Variants in NRCAM observed in about 807,000 individuals in gnomAD.
NRCAM encodes neuronal cell adhesion molecule.
A neutral mutation model predicts 156.5 loss-of-function variants in NRCAM; 83 were observed. The ratio of observed to expected loss-of-function variants is 0.53; its 90% CI spans 0.44 to 0.64. The LOEUF is 0.64. Among genes scored for constraint, NRCAM ranks in the 30% least tolerant of loss-of-function variants. The pLI, the probability that NRCAM is intolerant of heterozygous loss-of-function variation, is 0.00. For synonymous variants in NRCAM, 538 were observed against 563.9 expected (o/e 0.95, Z 0.65); for missense variants, 1,417 against 1,597.3 (o/e 0.89, Z 1.92).
At chr7:108,253,003 C>G (rs533094293) in intron 3 of NRCAM, among the ~76,000 whole-genome samples, 5 of 152,328 alleles carry the variant, frequency 3.3e-5, no homozygotes, top group African/African-American at 9.6e-5. Context: ...CAGACCAGGA[C>G]ATATCTAAAA....
intron 2 of NRCAM, among the ~76,000 whole-genome samples, chr7:108,378,676 C>CACACACAG (rs2099687102): frequency 1.5e-5 from 2 of 132,592 alleles, no homozygotes; most frequent in African/African-American, 5.4e-5. Context: ...CACACACACA[C>CACACACAG]ACACACACAC....
At chr7:108,341,835 A>G (rs1324282579) in intron 2 of NRCAM, among the ~76,000 whole-genome samples, 3 of 152,132 alleles carry the variant, frequency 2.0e-5, no homozygotes, top group Non-Finnish European at 2.9e-5. Flanking sequence ...CAGAAACCCA[A>G]TGGACAGTGG....
At chr7:108,200,663 A>G (rs2077440524) in intron 13 of NRCAM, among the ~76,000 whole-genome samples, 1 of 151,950 alleles carries the variant, frequency 6.6e-6, no homozygotes, top group African/African-American at 2.4e-5. Context: ...ACACATGTTG[A>G]TAGCAGCACA....
intron 2 of NRCAM, among the ~76,000 whole-genome samples, chr7:108,322,785 T>C (rs1479525929): frequency 1.3e-5 from 2 of 152,214 alleles, no homozygotes; most frequent in East Asian, 3.8e-4. Context: ...ATATTATCAG[T>C]TGCAGGTTGC....
At chr7:108,439,701 G>A (rs1598146665) in intron 1 of NRCAM, among the ~76,000 whole-genome samples, 1 of 151,984 alleles carries the variant, frequency 6.6e-6, no homozygotes, top group African/African-American at 2.4e-5. Flanking sequence ...GGCTGTGGTG[G>A]TGCATGCCTG....
intron 2 of NRCAM, among the ~76,000 whole-genome samples, chr7:108,378,616 C>G (rs74904146): frequency 0.15 from 20,630 of 140,200 alleles, 1,763 homozygotes; most frequent in Middle Eastern, 0.23. Context: ...GGAAACAAAA[C>G]AAATAAGCAG....
At chr7:108,268,090 C>T (rs1410234694) in intron 3 of NRCAM, among the ~76,000 whole-genome samples, 3 of 152,044 alleles carry the variant, frequency 2.0e-5, no homozygotes, top group Non-Finnish European at 4.4e-5. Flanking sequence ...GCAATGTTTC[C>T]TGTTCACTCT....
rs549558902 is a variant in NRCAM, at chr7:108,236,283, T to C, written c.124+1469A>G. On this transcript the variant is annotated intron_variant, in intron 5 of 32. Coordinates refer to ENST00000379028, the MANE Select transcript of NRCAM (RefSeq NM_001037132.4). ...AGACATCTTTTACTAAATATTCAAA[T>C]AACAGCTAAAGTACAAATCAAAAGC... Among the ~76,000 whole-genome samples the C allele has an allele frequency of 2.6e-5, 4 of 152,312 alleles. No homozygotes were observed. The South Asian group carries it at 8.3e-4, about 32-fold the overall frequency.
At chr7:108,212,427 A>G (rs542553831) in intron 11 of NRCAM, among the ~76,000 whole-genome samples, 1 of 152,358 alleles carries the variant, frequency 6.6e-6, no homozygotes, top group South Asian at 2.1e-4. Flanking sequence ...AGAATTCAGA[A>G]GGTTAGTTAT....
At chr7:108,224,144 A>G (rs770022779) in intron 10 of NRCAM, among the ~76,000 whole-genome samples, 10 of 152,146 alleles carry the variant, frequency 6.6e-5, no homozygotes, top group Non-Finnish European at 1.3e-4. Context: ...AAAATTTTCA[A>G]TATGTTGACA....
At chr7:108,363,460 C>T (rs1175910663) in intron 2 of NRCAM, among the ~76,000 whole-genome samples, 1 of 152,080 alleles carries the variant, frequency 6.6e-6, no homozygotes, top group East Asian at 1.9e-4. Flanking sequence ...AAATTTTTCG[C>T]CATGTTGCCC....
Position 108,352,852 on chromosome 7 carries a change from T to C in NRCAM, c.-173-40121A>G, listed in dbSNP as rs148815833. On this transcript the variant is annotated intron_variant, in intron 2 of 32. Coordinates refer to ENST00000379028, the MANE Select transcript of NRCAM (RefSeq NM_001037132.4). ...ACCATTTATCTACAGTAGCCACAAA[T>C]AGCTATAAAATATAAGTTTAAAAAA... Among the ~76,000 whole-genome samples, 514 of 152,234 alleles carry C rather than the reference T, an allele frequency of 3.4e-3. 7 individuals carry two copies. The highest frequency in any genetic ancestry group is 1.5e-3 in the Non-Finnish European group (105 of 68,008).
intron 3 of NRCAM, among the ~76,000 whole-genome samples, chr7:108,263,213 T>G (rs2096950223): frequency 6.6e-6 from 1 of 152,232 alleles, no homozygotes; most frequent in African/African-American, 2.4e-5. Context: ...CCAAATCATA[T>G]TATCTTATCT....
chr7:108,392,833 A>G (rs1401493333), intron 2 of NRCAM, among the ~76,000 whole-genome samples: 1 of 152,166 alleles, frequency 6.6e-6, no homozygotes, highest in East Asian at 1.9e-4. Flanking sequence ...CTGGAGGTCT[A>G]CTTCAGACCC....
At chr7:108,201,683 A>C (rs1025171453) in intron 13 of NRCAM, among the ~76,000 whole-genome samples, 2 of 152,192 alleles carry the variant, frequency 1.3e-5, no homozygotes, top group African/African-American at 2.4e-5. Flanking sequence ...AGTCACAAAC[A>C]AACCATGTCA....
Position 108,240,132 on chromosome 7 carries a change from A to G in NRCAM, c.-68T>C, listed in dbSNP as rs555581716. The G allele has an allele frequency of 9.9e-5, 109 of 1,095,592 alleles. No individual in the cohort carries two copies. The South Asian group carries it at 1.4e-3, about 14-fold the overall frequency. The allele number at this position is 1,095,592 out of a possible 1,614,324, so 67.9% of individuals were successfully genotyped here. The stretch of plus-strand genomic sequence containing the variant: ...CTTCTTTCACAAAAGATTTTGTGAA[A>G]CGTTGTGTGCAACGTTTAAGTAATT... On this transcript the variant is annotated 5_prime_UTR_variant, in exon 4 of 33. Transcript: ENST00000379028.
chr7:108,226,459 T>C, intron 8 of NRCAM, 81 bp from the exon 9 acceptor site: 1 of 928,892 alleles, frequency 1.1e-6, no homozygotes, highest in African/African-American at 1.7e-5. Flanking sequence ...ATGTACCTAC[T>C]AATAGGTCTG....
chr7:108,176,411 T>A lies in NRCAM; in HGVS notation c.3151+19A>T, dbSNP rs1206174352. 6.2e-7 allele frequency: 1 copy of A among 1,601,004 alleles called. No individual in the cohort carries two copies. Among genetic ancestry groups the A allele is most frequent in the African/African-American group, 1.3e-5 (1 of 74,760 alleles). On this transcript the variant is annotated intron_variant, in intron 27 of 32. Coordinates refer to ENST00000379028, the MANE Select transcript of NRCAM (RefSeq NM_001037132.4). ...CATGATGCTTATAATTATATGGATT[T>A]TATACATACCCATCTTACCTTCATC...
chr7:108,262,338 T>G (rs2096918177), intron 3 of NRCAM, among the ~76,000 whole-genome samples: 1 of 151,842 alleles, frequency 6.6e-6, no homozygotes, highest in Admixed American at 6.6e-5. Flanking sequence ...GTGTGTGTGT[T>G]TGATGTGTGT....
Sources: allele counts gnomAD v4.1 joint callset (sites outside exome capture counted in the v4.1 genomes callset), GRCh38; gene constraint gnomAD v4.1.1; transcripts MANE v1.5; gene names NCBI Gene and HGNC (gene_info 2026-07-23, HGNC 2026-07-21).